Variants in VTA1 observed in about 807,000 individuals in gnomAD.
VTA1 encodes vesicle trafficking 1, also known as vacuolar protein sorting-associated protein VTA1 homolog.
Under a neutral mutation model 36.9 loss-of-function variants are expected in VTA1, and 24 were observed. The ratio of observed to expected loss-of-function variants is 0.65; its 90% CI spans 0.47 to 0.91. VTA1 has a LOEUF of 0.91. VTA1 is among the 40% of genes least tolerant of loss of function. VTA1 has a pLI of 0.00. For synonymous variants in VTA1, 142 were observed against 130.2 expected (o/e 1.09, Z -0.62); for missense variants, 393 against 377.2 (o/e 1.04, Z -0.35).
chr6:142,147,433 C>A (rs1358845500), intron 1 of VTA1, 34 bp downstream of exon 1: 1 of 1,597,282 alleles, frequency 6.3e-7, no homozygotes, highest in Non-Finnish European at 8.5e-7. Context: ...CCCTTTCTTT[C>A]CCAGTTGCAT....
rs1050574680 is a variant in VTA1, at chr6:142,222,054, G to C, written c.*3411G>C. The C allele has an allele frequency of 2.0e-5, 3 of 151,990 alleles. No homozygotes were observed. The highest frequency in any genetic ancestry group is 7.2e-5 in the African/African-American group (3 of 41,396). The allele number at this position is 151,990 out of a possible 1,614,324, so 9.4% of individuals were successfully genotyped here. A position where few individuals can be genotyped will look rare whatever the true frequency, so the allele number is the denominator to read the frequency against. ...AGTAGCCTTGGAGGTAATAAAACGG[G>C]ATTGGTTTCTGGCGGCTTTTTTTTA... On this transcript the variant is annotated 3_prime_UTR_variant, in exon 8 of 8. Coordinates refer to ENST00000367630, the MANE Select transcript of VTA1 (RefSeq NM_016485.5).
At chr6:142,190,932 T>G (rs1775443639) in intron 5 of VTA1, among the ~76,000 whole-genome samples, 1 of 152,158 alleles carries the variant, frequency 6.6e-6, no homozygotes, top group African/African-American at 2.4e-5. Flanking sequence ...CCAACCCCAA[T>G]CTAATTAATC....
Position 142,170,383 on chromosome 6 carries a change from A to G in VTA1, c.373A>G (p.Ile125Val). 1.2e-6 allele frequency: 2 copies of G among 1,608,678 alleles called. No homozygotes were observed. Among genetic ancestry groups the G allele is most frequent in the African/African-American group, 1.3e-5 (1 of 74,884 alleles). The change falls in exon 4 of 8, where the codon ATA (isoleucine) becomes GTA (valine). Residue 125 changes from isoleucine (I) to valine (V), a missense_variant. By Grantham distance (29) the Ile-to-Val change is conservative. Coordinates refer to ENST00000367630, the MANE Select transcript of VTA1 (RefSeq NM_016485.5). Reference sequence around the variant, plus strand: ...GTCCTTCTATACTGCAAGTCTTTTGATAGATGTCATAACAGTATTTGGAGA... The same window carrying G: ...GTCCTTCTATACTGCAAGTCTTTTGGTAGATGTCATAACAGTATTTGGAGA... Reference protein sequence around the residue: ...IKSFYTASLLIDVITVFGELT... With the variant: ...IKSFYTASLLVDVITVFGELT...
At chr6:142,214,093 G>T (rs1260149151) in intron 7 of VTA1, among the ~76,000 whole-genome samples, 3 of 151,808 alleles carry the variant, frequency 2.0e-5, no homozygotes, top group African/African-American at 2.4e-5. Flanking sequence ...TAATCTCTTT[G>T]TTCATGCATA....
chr6:142,186,660 G>C (rs975692996), intron 4 of VTA1, among the ~76,000 whole-genome samples: 1 of 152,074 alleles, frequency 6.6e-6, no homozygotes, highest in African/African-American at 2.4e-5. Flanking sequence ...GAGGTGGTAG[G>C]GGGATCAAAA....
intron 7 of VTA1, among the ~76,000 whole-genome samples, chr6:142,209,575 T>C (rs918469846): frequency 1.4e-5 from 2 of 146,354 alleles, no homozygotes; most frequent in African/African-American, 5.0e-5. Flanking sequence ...AGAAAAACTA[T>C]ATAAAATTCT....
chr6:142,196,098 C>T (rs1348953483), intron 5 of VTA1, among the ~76,000 whole-genome samples: 2 of 152,114 alleles, frequency 1.3e-5, no homozygotes, highest in Non-Finnish European at 2.9e-5. Context: ...TTATATTAGG[C>T]ACATGTACCT....
chr6:142,215,342 G>A (rs1210600556), intron 7 of VTA1, among the ~76,000 whole-genome samples: 1 of 151,920 alleles, frequency 6.6e-6, no homozygotes, highest in Non-Finnish European at 1.5e-5. Flanking sequence ...TTGGGAGGCT[G>A]AGGCAGGAGA....
intron 4 of VTA1, among the ~76,000 whole-genome samples, chr6:142,184,928 G>A (rs1307149717): frequency 5.3e-5 from 8 of 152,092 alleles, no homozygotes; most frequent in Admixed American, 5.2e-4. Context: ...CTTTAATCTT[G>A]TCTTGGATTT....
intron 1 of VTA1, 136 bp downstream of exon 1, chr6:142,147,535 A>G (rs1175816020): frequency 5.9e-6 from 5 of 848,592 alleles, no homozygotes; most frequent in South Asian, 1.6e-5. Context: ...TACCCAGGGA[A>G]CTCCCTGGGT....
chr6:142,154,668 G>C (rs1363226568), intron 1 of VTA1, among the ~76,000 whole-genome samples: 1 of 152,012 alleles, frequency 6.6e-6, no homozygotes, highest in African/African-American at 2.4e-5. Context: ...ATTCTTAATA[G>C]GTACAGTGAT....
chr6:142,192,341 G>A (rs376279185), intron 5 of VTA1, among the ~76,000 whole-genome samples: 2 of 152,034 alleles, frequency 1.3e-5, no homozygotes, highest in South Asian at 2.1e-4. Context: ...AATGATGTTC[G>A]GTAGCTTAGG....
intron 1 of VTA1, among the ~76,000 whole-genome samples, chr6:142,150,908 A>AT (rs1239202164): frequency 6.6e-6 from 1 of 150,492 alleles, no homozygotes; most frequent in East Asian, 2.0e-4. Context: ...GCGAAACTCC[A>AT]TCTCCAAAAA....
intron 4 of VTA1, among the ~76,000 whole-genome samples, chr6:142,175,891 C>T (rs1369756087): frequency 6.6e-6 from 1 of 151,516 alleles, no homozygotes; most frequent in Non-Finnish European, 1.5e-5. Flanking sequence ...TGCCACTATT[C>T]TATTTCTCAG....
chr6:142,213,436 G>A (rs981217386), intron 7 of VTA1, among the ~76,000 whole-genome samples: 2 of 152,176 alleles, frequency 1.3e-5, no homozygotes, highest in African/African-American at 2.4e-5. Flanking sequence ...CATGATGTAA[G>A]CTGTCAGTAG....
chr6:142,172,018 C>CT (rs924122166), intron 4 of VTA1, among the ~76,000 whole-genome samples: 2 of 152,016 alleles, frequency 1.3e-5, no homozygotes, highest in African/African-American at 4.8e-5. Context: ...AAGGACTTTT[C>CT]TTTTTTTGTG....
At position 142,170,213 on chromosome 6, in the gene VTA1, T is replaced by C. The variant is rs1775001864; in HGVS notation, c.336-133T>C. ...AACCATTTTTGTTATTTTCTTGAAATCTAATTTTATTTAAAACATGAATTT... is the reference window on the plus strand; with the variant it reads ...AACCATTTTTGTTATTTTCTTGAAACCTAATTTTATTTAAAACATGAATTT... On this transcript the variant is annotated intron_variant, in intron 3 of 7. Coordinates refer to ENST00000367630, the MANE Select transcript of VTA1 (RefSeq NM_016485.5). 5 of 654,828 alleles carry C rather than the reference T, an allele frequency of 7.6e-6. No individual in the cohort carries two copies. The South Asian group carries it at 9.6e-5, about 13-fold the overall frequency. The allele number at this position is 654,828 out of a possible 1,614,324, so 40.6% of individuals were successfully genotyped here.
intron 4 of VTA1, among the ~76,000 whole-genome samples, chr6:142,181,094 A>AAAAAAAAAATATATATATAT: frequency 2.7e-5 from 1 of 36,422 alleles, no homozygotes; most frequent in Non-Finnish European, 5.8e-5. Context: ...AAAAAAAAAA[A>AAAAAAAAAATATATATATAT]ATATATATAT....
chr6:142,217,184 A>C (rs1427793251), intron 7 of VTA1, among the ~76,000 whole-genome samples: 1 of 152,122 alleles, frequency 6.6e-6, no homozygotes, highest in Non-Finnish European at 1.5e-5. Context: ...AATTTTATGT[A>C]ATCTTAAATA....
Sources: allele counts gnomAD v4.1 joint callset (sites outside exome capture counted in the v4.1 genomes callset), GRCh38; gene constraint gnomAD v4.1.1; transcripts MANE v1.5; gene names NCBI Gene and HGNC (gene_info 2026-07-23, HGNC 2026-07-21).